CSMD1: variants seen among roughly 807,000 people sequenced by gnomAD.
The protein encoded by CSMD1 is CUB and sushi domain-containing protein 1.
A neutral mutation model predicts 417.5 loss-of-function variants in CSMD1; 213 were observed. The observed-to-expected ratio is 0.51, with a 90% confidence interval of 0.46 to 0.57. The LOEUF (loss-of-function observed/expected upper bound fraction) is 0.57. Ranked by LOEUF, CSMD1 falls within the 20% of genes least tolerant of loss-of-function variation. CSMD1 has a pLI of 0.00. For missense variants in CSMD1, 6,923 were observed against 4,529.7 expected (o/e 1.53, Z -15.17); for synonymous variants, 2,862 against 1,736.8 (o/e 1.65, Z -16.11).
intron 59 of CSMD1, among the ~76,000 whole-genome samples, chr8:2,964,025 T>G (rs922529790): frequency 1.3e-5 from 2 of 152,096 alleles, no homozygotes; most frequent in Non-Finnish European, 2.9e-5. Context: ...TCACGAGAGA[T>G]CACCTTCCCC....
chr8:4,931,400 C>T (rs530621382), intron 1 of CSMD1, among the ~76,000 whole-genome samples: 4 of 152,166 alleles, frequency 2.6e-5, no homozygotes, highest in African/African-American at 9.7e-5. Flanking sequence ...CTGAGTGACA[C>T]TGACTCGGGT....
chr8:4,078,550 C>A (rs1217510278), intron 3 of CSMD1, among the ~76,000 whole-genome samples: 2 of 151,788 alleles, frequency 1.3e-5, no homozygotes, highest in Non-Finnish European at 2.9e-5. Flanking sequence ...AGGGGTGAGC[C>A]ACTGCGCCCG....
chr8:4,884,092 A>G (rs1471104300), intron 1 of CSMD1, among the ~76,000 whole-genome samples: 4 of 152,042 alleles, frequency 2.6e-5, no homozygotes, highest in Non-Finnish European at 5.9e-5. Flanking sequence ...AATGATATTG[A>G]ACAAATTTCC....
chr8:3,265,157 A>C (rs1801345521), intron 26 of CSMD1, among the ~76,000 whole-genome samples: 1 of 152,192 alleles, frequency 6.6e-6, no homozygotes, highest in Non-Finnish European at 1.5e-5. Flanking sequence ...ATATTTAAGG[A>C]ATTTACACTC....
chr8:3,869,425 A>G (rs908222190), intron 5 of CSMD1, among the ~76,000 whole-genome samples: 3 of 152,038 alleles, frequency 2.0e-5, no homozygotes, highest in African/African-American at 7.3e-5. Flanking sequence ...CTTTTCTCCA[A>G]TCCTGTCCTG....
At chr8:4,506,705 G>C (rs573972068) in intron 2 of CSMD1, among the ~76,000 whole-genome samples, 1 of 152,278 alleles carries the variant, frequency 6.6e-6, no homozygotes, top group Non-Finnish European at 1.5e-5. Context: ...TAAGGAGTCA[G>C]CTTCTCTTTC....
intron 5 of CSMD1, among the ~76,000 whole-genome samples, chr8:3,775,492 A>G (rs560500052): frequency 8.5e-5 from 13 of 152,324 alleles, no homozygotes; most frequent in African/African-American, 3.1e-4. Flanking sequence ...CACGGGGTGA[A>G]GTTATGAATA....
rs1266360884 is a variant in CSMD1 at position 3,164,608 on chromosome 8, G to GA, written c.5726-2332dup. Reference sequence around the variant, plus strand: ...ATCTCTGAGTTTTTTATTTCCCCCTGAAAAAAATGTATACTTAAAATACTA... The same window carrying GA: ...ATCTCTGAGTTTTTTATTTCCCCCTGAAAAAAAATGTATACTTAAAATACTA... On this transcript the variant is annotated intron_variant, in intron 37 of 69. Coordinates refer to ENST00000635120, the MANE Select transcript of CSMD1 (RefSeq NM_033225.6). Among the ~76,000 whole-genome samples, 3 of 151,854 alleles carry GA rather than the reference G, an allele frequency of 2.0e-5. No individual in the cohort carries two copies. The East Asian group carries it at 5.8e-4, about 29-fold the overall frequency.
intron 42 of CSMD1, among the ~76,000 whole-genome samples, chr8:3,116,411 G>C (rs1485034787): frequency 6.6e-6 from 1 of 152,100 alleles, no homozygotes; most frequent in East Asian, 1.9e-4. Flanking sequence ...CTTTTCCCTG[G>C]AATATATTGA....
intron 3 of CSMD1, among the ~76,000 whole-genome samples, chr8:4,197,488 A>C (rs1799406303): frequency 6.6e-6 from 1 of 152,152 alleles, no homozygotes; most frequent in Non-Finnish European, 1.5e-5. Context: ...CAGTAGATGG[A>C]AAACTGACTC....
At chr8:4,617,573 C>A (rs891363584) in intron 2 of CSMD1, among the ~76,000 whole-genome samples, 4 of 152,102 alleles carry the variant, frequency 2.6e-5, no homozygotes, top group African/African-American at 9.7e-5. Context: ...CTCTCCTTAT[C>A]GATCCTGAGC....
chr8:2,939,502 G>C (rs1744055784), intron 69 of CSMD1, among the ~76,000 whole-genome samples: 1 of 152,182 alleles, frequency 6.6e-6, no homozygotes. Context: ...TTTTCAGACT[G>C]AAAAGACAGA....
At chr8:3,599,742 C>G (rs1801271894) in intron 8 of CSMD1, among the ~76,000 whole-genome samples, 1 of 152,210 alleles carries the variant, frequency 6.6e-6, no homozygotes, top group Non-Finnish European at 1.5e-5. Context: ...ACCTTGCACT[C>G]CTCTCTTCTT....
rs1439691463 is a variant in CSMD1, at chr8:2,937,742, A to G, written c.*843T>C. On this transcript the variant is annotated 3_prime_UTR_variant, in exon 70 of 70. Coordinates refer to ENST00000635120, the MANE Select transcript of CSMD1 (RefSeq NM_033225.6). ...CAATAATAAAATAAATCTCTTCAAT[A>G]CTGTATTTCCTTTTAAAATCTGTGC... 6.6e-6 allele frequency: 1 copy of G among 152,642 alleles called. No individual in the cohort carries two copies. Among genetic ancestry groups the G allele is most frequent in the Non-Finnish European group, 1.5e-5 (1 of 68,048 alleles). 9.5% of individuals were successfully genotyped at this position (152,642 alleles called of 1,614,324 possible). A position where few individuals can be genotyped will look rare whatever the true frequency, so the allele number is the denominator to read the frequency against.
chr8:4,832,925 C>T (rs1800238619), intron 1 of CSMD1, among the ~76,000 whole-genome samples: 1 of 152,122 alleles, frequency 6.6e-6, no homozygotes, highest in Admixed American at 6.5e-5. Flanking sequence ...GTTTAGTACC[C>T]TTGATTCTAA....
chr8:3,371,531 T>C (rs1279204190), intron 18 of CSMD1, among the ~76,000 whole-genome samples: 1 of 152,166 alleles, frequency 6.6e-6, no homozygotes, highest in Non-Finnish European at 1.5e-5. Context: ...TTATACTTCT[T>C]TTCTTAAACT....
chr8:4,150,475 C>G (rs947307411), intron 3 of CSMD1, among the ~76,000 whole-genome samples: 7 of 152,174 alleles, frequency 4.6e-5, no homozygotes, highest in Non-Finnish European at 1.0e-4. Context: ...CTTCAGCTAA[C>G]AGAATTTTTC....
intron 2 of CSMD1, among the ~76,000 whole-genome samples, chr8:4,518,977 C>A (rs1018828844): frequency 6.6e-6 from 1 of 152,038 alleles, no homozygotes; most frequent in Non-Finnish European, 1.5e-5. Context: ...CAAAGAGACT[C>A]CCCACTTTCT....
chr8:3,796,501 A>T lies in CSMD1; in HGVS notation c.819-42459T>A, dbSNP rs185936704. Among the ~76,000 whole-genome samples, 391 of 144,086 alleles carry T rather than the reference A, an allele frequency of 2.7e-3. 2 individuals carry two copies. The highest frequency in any genetic ancestry group is 4.3e-3 in the Non-Finnish European group (284 of 66,088). 94.5% of individuals were successfully genotyped at this position (144,086 alleles called of 152,430 possible). On this transcript the variant is annotated intron_variant, in intron 5 of 69. Transcript: ENST00000635120. ...ATATCTATCTATCATGTATAGATAT[A>T]GATATATATATCTATATATCTATAT...
Sources: allele counts gnomAD v4.1 joint callset (sites outside exome capture counted in the v4.1 genomes callset), GRCh38; gene constraint gnomAD v4.1.1; transcripts MANE v1.5; gene names NCBI Gene and HGNC (gene_info 2026-07-23, HGNC 2026-07-21).